PLET1: variants seen among roughly 807,000 people sequenced by gnomAD.
The protein encoded by PLET1 is placenta expressed transcript 1.
PLET1 carries 20 observed loss-of-function variants against 18.5 expected under a neutral mutation model. The ratio of observed to expected loss-of-function variants is 1.08; its 90% CI spans 0.76 to 1.57. The LOEUF (loss-of-function observed/expected upper bound fraction) is 1.57, where lower values mean the gene tolerates loss of function less well. Ranked by LOEUF, PLET1 falls within the 40% of genes most tolerant of loss-of-function variation. PLET1 has a pLI of 0.00. For synonymous variants in PLET1, 93 were observed against 93.8 expected, an observed-to-expected ratio of 0.99 and a Z score of 0.05; for missense variants, 256 against 246.4, an observed-to-expected ratio of 1.04 and a Z score of -0.26.
chr11:112,249,047 A>C, intron 3 of PLET1, 73 bp from the exon 4 acceptor site: 1 of 1,379,918 alleles, frequency 7.2e-7, no homozygotes, highest in South Asian at 1.3e-5. Context: ...GTGGGTGGGC[A>C]CTCGAGAAAG....
intron 3 of PLET1, among the ~76,000 whole-genome samples, chr11:112,250,336 A>G (rs1488867354): frequency 6.7e-6 from 1 of 149,478 alleles, no homozygotes; most frequent in Admixed American, 6.8e-5. Context: ...ACTAGCAAGC[A>G]CATTCCTTGC....
chr11:112,250,965 C>T (rs1043570095), intron 3 of PLET1, among the ~76,000 whole-genome samples: 5 of 152,180 alleles, frequency 3.3e-5, no homozygotes, highest in Admixed American at 6.5e-5. Context: ...GAATATAATT[C>T]TCCCTTTGAA....
rs771587137 is a variant in PLET1 at position 112,255,577 on chromosome 11, AC to A, written c.196del (p.Val66Ter). On this transcript the variant is annotated frameshift_variant, in exon 2 of 4. Coordinates refer to ENST00000338832, the MANE Select transcript of PLET1 (RefSeq NM_001145024.1). LOFTEE classifies it high-confidence loss of function. Reference protein sequence around the residue: ...SNAVYSVFVPVNDSVYAVVMK... With the variant: ...SNAVYSVFVPXNDSVYAVVMK... ...GACCACAGCATAGACGCTGTCATTC[AC>A]GGGAACAAATACTGGGAGGAAATGA... 1 of 1,551,010 alleles carries A rather than the reference AC, an allele frequency of 6.4e-7. No individual in the cohort carries two copies. Among genetic ancestry groups the A allele is most frequent in the African/African-American group, 1.4e-5 (1 of 73,102 alleles).
chr11:112,257,091 C>T (rs1860231837), intron 1 of PLET1, among the ~76,000 whole-genome samples: 1 of 152,216 alleles, frequency 6.6e-6, no homozygotes, highest in East Asian at 1.9e-4. Flanking sequence ...GTCAACATTT[C>T]TGCTTTTATA....
intron 3 of PLET1, among the ~76,000 whole-genome samples, chr11:112,252,043 G>A (rs1010167363): frequency 1.3e-5 from 2 of 152,212 alleles, no homozygotes; most frequent in African/African-American, 4.8e-5. Context: ...TTCACATTGT[G>A]TCTATGTGGT....
At chr11:112,256,450 A>T (rs984941819) in intron 1 of PLET1, among the ~76,000 whole-genome samples, 1 of 152,172 alleles carries the variant, frequency 6.6e-6, no homozygotes, top group African/African-American at 2.4e-5. Context: ...CTTAGGAGCA[A>T]GTCATTTCAC....
intron 2 of PLET1, among the ~76,000 whole-genome samples, chr11:112,255,100 ATGTATG>A: frequency 1.6e-5 from 1 of 63,872 alleles, no homozygotes; most frequent in East Asian, 5.7e-4. Context: ...TGTGTGTGGT[ATGTATG>A]TGTGGTGTAT....
rs558760301 is a variant in PLET1, at chr11:112,254,794, T to A, written c.386+594A>T. On this transcript the variant is annotated intron_variant, in intron 2 of 3. Coordinates refer to ENST00000338832, the MANE Select transcript of PLET1 (RefSeq NM_001145024.1). The stretch of plus-strand genomic sequence containing the variant: ...TGTGGTACGCATCGTGTGTGTGTGG[T>A]GTGTGGTGCATGTGTGGTGTGTGTG... Among the ~76,000 whole-genome samples, 143 of 76,998 alleles carry A rather than the reference T, an allele frequency of 1.9e-3. 1 individual carries two copies. Among genetic ancestry groups the A allele is most frequent in the Middle Eastern group, 0.029 (2 of 70 alleles). The allele number at this position is 76,998 out of a possible 152,430, so 50.5% of individuals were successfully genotyped here. A position where few individuals can be genotyped will look rare whatever the true frequency, so the allele number is the denominator to read the frequency against.
intron 1 of PLET1, chr11:112,260,159 G>A (rs754986211): frequency 4.4e-6 from 2 of 450,922 alleles, no homozygotes; most frequent in Non-Finnish European, 7.8e-6. Flanking sequence ...GCTCTTGCTG[G>A]GACTCAGTGA....
chr11:112,258,967 A>C (rs941166210), intron 1 of PLET1, among the ~76,000 whole-genome samples: 7 of 152,218 alleles, frequency 4.6e-5, no homozygotes, highest in Non-Finnish European at 1.0e-4. Flanking sequence ...TGCAAAAGTT[A>C]GACTTTTAAG....
At position 112,252,371 on chromosome 11, in the gene PLET1, G is replaced by A. The variant is rs1413984506; in HGVS notation, c.425C>T (p.Ser142Phe). The A allele has an allele frequency of 6.4e-7, 1 of 1,551,310 alleles. No individual in the cohort carries two copies. The highest frequency in any genetic ancestry group is 1.4e-5 in the African/African-American group (1 of 73,034). ...TVQIRALPILSTLKLREKLST... is the reference protein window; with the variant it reads ...TVQIRALPILFTLKLREKLST... ...ACGTTTTTCTCTTAGCTTCAGAGTA[G>A]AAAGTATAGGCAGCGCTCTGATCTG... Residue 142 changes from serine (S) to phenylalanine (F), a missense_variant, in exon 3 of 4, where the codon TCT (serine) becomes TTT (phenylalanine). Transcript: ENST00000338832.
At chr11:112,258,684 T>A (rs1038274002) in intron 1 of PLET1, among the ~76,000 whole-genome samples, 1 of 152,222 alleles carries the variant, frequency 6.6e-6, no homozygotes, top group Admixed American at 6.5e-5. Context: ...GTGGTGCCTC[T>A]GACACCTGAG....
intron 1 of PLET1, chr11:112,260,149 G>T: frequency 2.4e-6 from 1 of 414,974 alleles, no homozygotes; most frequent in East Asian, 3.7e-5. Flanking sequence ...CCCCAAGTGT[G>T]CTCTTGCTGG....
At chr11:112,253,471 C>T (rs556671099) in intron 2 of PLET1, among the ~76,000 whole-genome samples, 21 of 152,204 alleles carry the variant, frequency 1.4e-4, no homozygotes, top group South Asian at 4.2e-4. Flanking sequence ...CGTGTTATCG[C>T]GGGTGTGCAA....
intron 1 of PLET1, among the ~76,000 whole-genome samples, chr11:112,256,643 A>C (rs1053186715): frequency 3.9e-5 from 6 of 152,184 alleles, no homozygotes; most frequent in African/African-American, 1.4e-4. Context: ...ATTTTAATAC[A>C]TGGGGAGTAC....
intron 3 of PLET1, among the ~76,000 whole-genome samples, chr11:112,249,704 C>T (rs111539611): frequency 2.6e-5 from 4 of 152,204 alleles, no homozygotes; most frequent in African/African-American, 9.6e-5. Flanking sequence ...TGTCTGTAAT[C>T]CCAGCACTTT....
chr11:112,250,722 A>G (rs1592888841), intron 3 of PLET1, among the ~76,000 whole-genome samples: 1 of 152,112 alleles, frequency 6.6e-6, no homozygotes, highest in Non-Finnish European at 1.5e-5. Context: ...TCTTTTCACT[A>G]CAGGCTGCCA....
At chr11:112,260,222 C>G (rs1860272653) in intron 1 of PLET1, 184 bp downstream of exon 1, 1 of 612,832 alleles carries the variant, frequency 1.6e-6, no homozygotes, top group Admixed American at 3.5e-5. Context: ...AAGGAATTTG[C>G]AGAAATAGCC....
intron 3 of PLET1, among the ~76,000 whole-genome samples, chr11:112,250,164 T>G (rs1860139691): frequency 6.6e-6 from 1 of 151,356 alleles, no homozygotes; most frequent in Non-Finnish European, 1.5e-5. Context: ...CTTTTTCTTT[T>G]TTTTTTAACT....
Sources: allele counts gnomAD v4.1 joint callset (sites outside exome capture counted in the v4.1 genomes callset), GRCh38; gene constraint gnomAD v4.1.1; transcripts MANE v1.5; gene names NCBI Gene and HGNC (gene_info 2026-07-23, HGNC 2026-07-21).